The following SIAH3 variants were observed in gnomAD, a reference collection of about 807,000 sequenced individuals.
SIAH3 encodes the protein siah E3 ubiquitin protein ligase family member 3, also known as seven in absentia homolog 3.
Under a neutral mutation model 12.6 loss-of-function variants are expected in SIAH3, and 9 were observed. The ratio of observed to expected loss-of-function variants is 0.72; its 90% CI spans 0.43 to 1.25. The LOEUF (loss-of-function observed/expected upper bound fraction) is 1.25. SIAH3 is among the 50% of genes most tolerant of loss of function. The pLI is 0.00. For missense variants in SIAH3, 390 were observed against 365.4 expected, an observed-to-expected ratio of 1.07 and a Z score of -0.55; for synonymous variants, 154 against 151.1, an observed-to-expected ratio of 1.02 and a Z score of -0.14.
At chr13:45,815,018 C>T (rs1320967712) in intron 1 of SIAH3, among the ~76,000 whole-genome samples, 4 of 152,060 alleles carry the variant, frequency 2.6e-5, no homozygotes, top group East Asian at 1.9e-4. Context: ...CCACCATGCC[C>T]GGCCTGCCAT....
chr13:45,798,438 C>T (rs1311295780), intron 1 of SIAH3, among the ~76,000 whole-genome samples: 1 of 152,170 alleles, frequency 6.6e-6, no homozygotes, highest in Non-Finnish European at 1.5e-5. Context: ...CCTCAGAGAG[C>T]TTACTTTTCT....
chr13:45,813,460 T>G (rs1235846367), intron 1 of SIAH3, among the ~76,000 whole-genome samples: 3 of 152,186 alleles, frequency 2.0e-5, no homozygotes, highest in Non-Finnish European at 4.4e-5. Context: ...CAAGCCCTAT[T>G]CCCCAGCATT....
intron 1 of SIAH3, among the ~76,000 whole-genome samples, chr13:45,801,241 T>G (rs1258468804): frequency 6.6e-6 from 1 of 152,132 alleles, no homozygotes; most frequent in East Asian, 1.9e-4. Flanking sequence ...ATGGCTTGAA[T>G]TGCAGGAAAA....
intron 1 of SIAH3, among the ~76,000 whole-genome samples, chr13:45,820,121 CT>C (rs1950650317): frequency 6.6e-6 from 1 of 152,210 alleles, no homozygotes; most frequent in African/African-American, 2.4e-5. Flanking sequence ...ACTTATGTGT[CT>C]CTTAAAGGCC....
At chr13:45,847,547 C>G (rs1428589997) in intron 1 of SIAH3, among the ~76,000 whole-genome samples, 1 of 151,900 alleles carries the variant, frequency 6.6e-6, no homozygotes, top group Non-Finnish European at 1.5e-5. Flanking sequence ...ACTGAAGTGC[C>G]CCAGCTTTAG....
chr13:45,826,432 A>G (rs767236790), intron 1 of SIAH3, among the ~76,000 whole-genome samples: 40,543 of 50,028 alleles, frequency 0.81, 15,700 homozygotes, highest in Non-Finnish European at 0.84. Flanking sequence ...TGGATGGATG[A>G]ATGGATGCAT....
rs377540317 is a variant in SIAH3, at chr13:45,846,128, T to C, written c.135+5367A>G. On this transcript the variant is annotated intron_variant, in intron 1 of 1. Coordinates refer to ENST00000400405, the MANE Select transcript of SIAH3 (RefSeq NM_198849.3). ...TTTTGAGACGGAGTTTCGCTCTTGT[T>C]GCCCAGGCTGGAGTACAGTGGTGTG... is the stretch of plus-strand genomic sequence containing the variant. Among the ~76,000 whole-genome samples, 451 of 144,770 alleles carry C rather than the reference T, an allele frequency of 3.1e-3. 5 individuals are homozygous for C. Among genetic ancestry groups the C allele is most frequent in the African/African-American group, 0.011 (421 of 39,508 alleles). The allele number at this position is 144,770 out of a possible 152,430, so 95.0% of individuals were successfully genotyped here. A position where few individuals can be genotyped will look rare whatever the true frequency, so the allele number is the denominator to read the frequency against.
intron 1 of SIAH3, among the ~76,000 whole-genome samples, chr13:45,829,260 T>C (rs961923652): frequency 6.6e-6 from 1 of 152,146 alleles, no homozygotes; most frequent in Non-Finnish European, 1.5e-5. Context: ...ACTGTGCAGC[T>C]TGGTGAATTT....
At chr13:45,835,239 A>C (rs1250252400) in intron 1 of SIAH3, among the ~76,000 whole-genome samples, 2 of 152,228 alleles carry the variant, frequency 1.3e-5, no homozygotes, top group Admixed American at 1.3e-4. Flanking sequence ...CCAAAAATGA[A>C]ACTTGAAGTA....
chr13:45,812,601 C>A (rs149367098), intron 1 of SIAH3, among the ~76,000 whole-genome samples: 64 of 152,178 alleles, frequency 4.2e-4, no homozygotes, highest in African/African-American at 1.5e-3. Context: ...ACTAGGACCC[C>A]GGGGTACAGC....
intron 1 of SIAH3, among the ~76,000 whole-genome samples, chr13:45,809,308 G>A (rs1399521447): frequency 7.2e-6 from 1 of 139,012 alleles, no homozygotes; most frequent in Non-Finnish European, 1.5e-5. Context: ...ACTGTGGTCT[G>A]GAAATCATTA....
intron 1 of SIAH3, among the ~76,000 whole-genome samples, chr13:45,837,593 G>C (rs1304203566): frequency 6.7e-6 from 1 of 148,668 alleles, no homozygotes; most frequent in Non-Finnish European, 1.5e-5. Context: ...AGGAAGGAAG[G>C]AGGGAGGGAC....
intron 1 of SIAH3, among the ~76,000 whole-genome samples, chr13:45,840,475 A>AT (rs1950736306): frequency 6.6e-6 from 1 of 152,270 alleles, no homozygotes; most frequent in South Asian, 2.1e-4. Context: ...GTAGTTAAAA[A>AT]ATATACACAT....
intron 1 of SIAH3, among the ~76,000 whole-genome samples, chr13:45,843,011 C>T (rs564974052): frequency 2.6e-4 from 22 of 84,122 alleles, no homozygotes; most frequent in African/African-American, 7.7e-4. Context: ...CTCAGAATTG[C>T]CATTATTTCT....
intron 1 of SIAH3, among the ~76,000 whole-genome samples, chr13:45,788,394 G>A (rs1028501323): frequency 2.0e-5 from 3 of 152,146 alleles, no homozygotes; most frequent in Non-Finnish European, 4.4e-5. Context: ...AACTCTTACA[G>A]ACTGATAAAC....
intron 1 of SIAH3, 24 bp downstream of exon 1, chr13:45,851,471 A>G: frequency 1.9e-5 from 31 of 1,613,344 alleles, no homozygotes; most frequent in Non-Finnish European, 2.6e-5. Context: ...AGCCCGGTGA[A>G]GGTAAAATGA....
chr13:45,816,818 A>G (rs1447278960), intron 1 of SIAH3, among the ~76,000 whole-genome samples: 1 of 152,240 alleles, frequency 6.6e-6, no homozygotes, highest in Non-Finnish European at 1.5e-5. Flanking sequence ...ATGTGCCTAC[A>G]GGTAGTAGCA....
chr13:45,851,372 C>G, intron 1 of SIAH3, 123 bp downstream of exon 1: 1 of 1,325,642 alleles, frequency 7.5e-7, no homozygotes, highest in Non-Finnish European at 1.1e-6. Context: ...GTTCCAGACA[C>G]CGTCCCAGCC....
chr13:45,786,832 C>T (rs1393230529), intron 1 of SIAH3, among the ~76,000 whole-genome samples: 1 of 152,136 alleles, frequency 6.6e-6, no homozygotes, highest in African/African-American at 2.4e-5. Flanking sequence ...CCTGGGGCCA[C>T]CAGTCCCAGT....
Sources: gnomAD v4.1 joint callset for allele counts (sites outside exome capture counted in the v4.1 genomes callset) on GRCh38, gnomAD v4.1.1 for gene constraint, MANE v1.5 for transcripts, NCBI Gene and HGNC (gene_info 2026-07-23, HGNC 2026-07-21) for gene names.